The following ENOX2 variants were observed in gnomAD, a reference collection of about 807,000 sequenced individuals.
ENOX2 encodes ecto-NOX disulfide-thiol exchanger 2, also known as APK1 antigen.
A neutral mutation model predicts 45.0 loss-of-function variants in ENOX2; 36 were observed. The ratio of observed to expected loss-of-function variants is 0.80; its 90% CI spans 0.61 to 1.06. The LOEUF is 1.06. Ranked by LOEUF, ENOX2 falls within the 50% of genes least tolerant of loss-of-function variation. The pLI is 0.00. For missense variants in ENOX2, 423 were observed against 462.5 expected (o/e 0.91, Z 0.78); for synonymous variants, 174 against 152.3 (o/e 1.14, Z -1.05).
intron 10 of ENOX2, among the ~76,000 whole-genome samples, chrX:130,653,774 G>T (rs1307048220): frequency 8.9e-6 from 1 of 112,267 alleles, no homozygotes; most frequent in Non-Finnish European, 1.9e-5. Context: ...CCAAACTCTT[G>T]AAGTGGAAAT....
At chrX:130,890,048 G>T (rs2078962420) in intron 2 of ENOX2, among the ~76,000 whole-genome samples, 1 of 112,370 alleles carries the variant, frequency 8.9e-6, no homozygotes, top group Non-Finnish European at 1.9e-5. Flanking sequence ...TTCTCCCTTT[G>T]GGCATTGCAA....
At chrX:130,702,893 A>T (rs1396404715) in intron 4 of ENOX2, among the ~76,000 whole-genome samples, 1 of 112,006 alleles carries the variant, frequency 8.9e-6, no homozygotes, top group Non-Finnish European at 1.9e-5. Context: ...TTAAAGCTTC[A>T]ATGACCCTAG....
At chrX:130,675,300 G>A (rs777337971) in intron 6 of ENOX2, among the ~76,000 whole-genome samples, 2 of 111,584 alleles carry the variant, frequency 1.8e-5, no homozygotes, top group East Asian at 5.6e-4. Context: ...ACTTTTTAAT[G>A]ATTGCCATTC....
intron 3 of ENOX2, among the ~76,000 whole-genome samples, chrX:130,738,521 T>A (rs2038911331): frequency 8.9e-6 from 1 of 112,193 alleles, no homozygotes; most frequent in Admixed American, 9.4e-5. Context: ...TCTCTCTGGA[T>A]GCTAGTTTCC....
chrX:130,631,504 T>G lies in ENOX2; in HGVS notation c.1492A>C (p.Ser498Arg). Residue 498 changes from serine (S) to arginine (R), a missense_variant, in exon 13 of 15, where the codon AGT becomes CGT. Physicochemically the swap from Ser to Arg is moderately radical, Grantham distance 110 (BLOSUM62 -1). Transcript: ENST00000394363. ...GCTTCACGTTCAGATTTGATAGGAC[T>G]GCTGTTCATGGTCTTCTCAAGAGGG... ...EYPLEKTMNS[S>R]PIKSEREALL... The G allele has an allele frequency of 1.7e-6, 2 of 1,203,137 alleles. No homozygotes were observed. Among genetic ancestry groups the G allele is most frequent in the Non-Finnish European group, 2.3e-6 (2 of 887,566 alleles).
At chrX:130,632,338 C>T (rs758817845) in intron 12 of ENOX2, among the ~76,000 whole-genome samples, 146 of 73,775 alleles carry the variant, frequency 2.0e-3, no homozygotes, top group African/African-American at 7.4e-3. Context: ...GAAAGTTCTT[C>T]TCTTTCAGAA....
intron 2 of ENOX2, among the ~76,000 whole-genome samples, chrX:130,890,945 C>T (rs1490547565): frequency 3.5e-5 from 4 of 112,769 alleles, no homozygotes; most frequent in Non-Finnish European, 7.5e-5. Flanking sequence ...GGAATTTAGT[C>T]TAGTGATGAA....
intron 2 of ENOX2, among the ~76,000 whole-genome samples, chrX:130,803,152 T>C (rs888166760): frequency 8.9e-6 from 1 of 112,218 alleles, no homozygotes; most frequent in African/African-American, 3.2e-5. Context: ...ATTTATAAAA[T>C]CATAGAGGGT....
chrX:130,868,321 A>T (rs2078521472), intron 2 of ENOX2, among the ~76,000 whole-genome samples: 1 of 112,417 alleles, frequency 8.9e-6, no homozygotes, highest in African/African-American at 3.2e-5. Context: ...TAAACAAAAT[A>T]AAGAATATAA....
chrX:130,812,501 C>T (rs746363326), intron 2 of ENOX2, among the ~76,000 whole-genome samples: 10 of 111,686 alleles, frequency 9.0e-5, no homozygotes, highest in East Asian at 2.8e-4. Context: ...TCAAAGCATA[C>T]CACTAAAGGA....
intron 3 of ENOX2, among the ~76,000 whole-genome samples, chrX:130,731,065 G>C (rs949280010): frequency 1.8e-5 from 2 of 110,796 alleles, no homozygotes; most frequent in Non-Finnish European, 3.8e-5. Flanking sequence ...ATGGTTGAAG[G>C]GGGCACTGGA....
chrX:130,846,304 CTT>C (rs1274350647), intron 2 of ENOX2, among the ~76,000 whole-genome samples: 2 of 110,407 alleles, frequency 1.8e-5, no homozygotes, highest in Non-Finnish European at 3.8e-5. Flanking sequence ...AGCAAGAGTG[CTT>C]ATGTGTATTA....
At chrX:130,884,910 A>G (rs1348540862) in intron 2 of ENOX2, among the ~76,000 whole-genome samples, 1 of 112,056 alleles carries the variant, frequency 8.9e-6, no homozygotes, top group Non-Finnish European at 1.9e-5. Context: ...TTTCATGGAA[A>G]CAATCTTATA....
At chrX:130,735,528 C>G (rs770937522) in intron 3 of ENOX2, among the ~76,000 whole-genome samples, 5 of 111,569 alleles carry the variant, frequency 4.5e-5, no homozygotes, top group Admixed American at 2.9e-4. Flanking sequence ...AAACCTCTTG[C>G]CATTTATGAA....
chrX:130,727,756 T>A (rs893137768), intron 3 of ENOX2, among the ~76,000 whole-genome samples: 3 of 111,854 alleles, frequency 2.7e-5, no homozygotes, highest in Non-Finnish European at 5.6e-5. Context: ...AGGATGTAGT[T>A]AGAGGTGATA....
intron 2 of ENOX2, among the ~76,000 whole-genome samples, chrX:130,875,280 C>A (rs1454723659): frequency 9.8e-6 from 1 of 102,486 alleles, no homozygotes; most frequent in Non-Finnish European, 2.0e-5. Flanking sequence ...TTTTTTTTTG[C>A]ACAAATTGAC....
At chrX:130,815,699 A>T (rs2077471547) in intron 2 of ENOX2, among the ~76,000 whole-genome samples, 1 of 112,040 alleles carries the variant, frequency 8.9e-6, no homozygotes, top group South Asian at 3.7e-4. Context: ...GCAAATACTG[A>T]GAGGTTTGGT....
intron 2 of ENOX2, among the ~76,000 whole-genome samples, chrX:130,794,912 T>C: frequency 8.9e-6 from 1 of 112,399 alleles, no homozygotes; most frequent in Admixed American, 9.4e-5. Context: ...AATGATGAGT[T>C]TGTGGTTTAG....
chrX:130,704,465 G>A (rs1158852152), intron 3 of ENOX2, among the ~76,000 whole-genome samples: 4 of 111,347 alleles, frequency 3.6e-5, no homozygotes, highest in African/African-American at 1.3e-4. Flanking sequence ...AGTCATCTGA[G>A]CACAAACAGA....
Sources: allele counts gnomAD v4.1 joint callset (sites outside exome capture counted in the v4.1 genomes callset), GRCh38; gene constraint gnomAD v4.1.1; transcripts MANE v1.5; gene names NCBI Gene and HGNC (gene_info 2026-07-23, HGNC 2026-07-21).